Variants in CUL2 observed in about 807,000 individuals in gnomAD.
CUL2 encodes the protein cullin 2, also known as cullin-2.
Under a neutral mutation model 110.2 loss-of-function variants are expected in CUL2, and 22 were observed. The ratio of observed to expected loss-of-function variants is 0.20; its 90% CI spans 0.14 to 0.28. CUL2 has a LOEUF of 0.28. Among genes scored for constraint, CUL2 ranks in the 10% least tolerant of loss-of-function variants. The pLI is 1.00. For synonymous variants in CUL2, 279 were observed against 293.2 expected, an observed-to-expected ratio of 0.95 and a Z score of 0.49; for missense variants, 631 against 905.5, an observed-to-expected ratio of 0.70 and a Z score of 3.89.
rs1012724132 is a variant in CUL2, at chr10:35,009,716, T to C, written c.*595A>G. 1 of 152,628 alleles carries C rather than the reference T, an allele frequency of 6.6e-6. No individual in the cohort carries two copies. Among genetic ancestry groups the C allele is most frequent in the Non-Finnish European group, 1.5e-5 (1 of 68,038 alleles). 9.5% of individuals were successfully genotyped at this position (152,628 alleles called of 1,614,324 possible). ...TCCTATGCAGTCAAGAACAATAATC[T>C]AGACATTTTTCATGTAGGATTTAAA... On this transcript the variant is annotated 3_prime_UTR_variant, in exon 21 of 21. Transcript: ENST00000374749.
chr10:35,114,130 G>C (rs11010100), intron 1 of CUL2, among the ~76,000 whole-genome samples: 1 of 150,988 alleles, frequency 6.6e-6, no homozygotes, highest in African/African-American at 2.4e-5. Flanking sequence ...CACTGTGTTA[G>C]CCAGGATGGT....
In CUL2 at chr10:35,011,864, T is replaced by C. The variant is rs1366458227; in HGVS notation, c.2090A>G (p.Asn697Ser). 6.2e-7 allele frequency: 1 copy of C among 1,610,632 alleles called. No individual in the cohort carries two copies. The highest frequency in any genetic ancestry group is 1.1e-5 in the South Asian group (1 of 90,974). The change falls in exon 20 of 21, where the codon AAT becomes AGT. Residue 697 changes from asparagine (N) to serine (S), a missense_variant. Transcript: ENST00000374749. The stretch of plus-strand genomic sequence containing the variant: ...TCCTTTTACCTCTTGAATAAGGGCA[T>C]TGTGCCGAAGCACTTTTCGTGCTTT... ...IMKARKVLRH[N>S]ALIQEVISQS...
intron 6 of CUL2, among the ~76,000 whole-genome samples, chr10:35,048,132 T>G (rs546051784): frequency 6.6e-6 from 1 of 152,294 alleles, no homozygotes; most frequent in South Asian, 2.1e-4. Flanking sequence ...ATGTAAAATT[T>G]TTAGCACAAT....
intron 20 of CUL2, 32 bp from the exon 21 acceptor site, chr10:35,010,474 C>A (rs774553728): frequency 3.2e-6 from 5 of 1,575,024 alleles, no homozygotes; most frequent in East Asian, 2.3e-5. Flanking sequence ...CAAACTACTG[C>A]CAGTTCTTCA....
intron 9 of CUL2, among the ~76,000 whole-genome samples, chr10:35,036,930 C>T (rs774890083): frequency 1.3e-5 from 2 of 152,076 alleles, no homozygotes; most frequent in Admixed American, 6.6e-5. Flanking sequence ...AGATGGGATA[C>T]TGTCATGTTG....
chr10:35,092,614 G>T (rs1163171452), upstream of CUL2, among the ~76,000 whole-genome samples: 1 of 152,154 alleles, frequency 6.6e-6, no homozygotes, highest in African/African-American at 2.4e-5. Flanking sequence ...CATTTTTCAT[G>T]GTGAAACTGC....
intron 6 of CUL2, among the ~76,000 whole-genome samples, chr10:35,048,358 G>A (rs2086005838): frequency 6.6e-6 from 1 of 152,112 alleles, no homozygotes; most frequent in Non-Finnish European, 1.5e-5. Flanking sequence ...TGCTTTAGTT[G>A]TATTATTTTT....
chr10:35,080,978 C>T (rs2086933307), intron 1 of CUL2, among the ~76,000 whole-genome samples: 1 of 152,006 alleles, frequency 6.6e-6, no homozygotes, highest in African/African-American at 2.4e-5. Context: ...CTTTGGGAGG[C>T]TGAGGTGGGA....
chr10:35,112,261 G>T (rs1305904086), intron 1 of CUL2, among the ~76,000 whole-genome samples: 1 of 152,180 alleles, frequency 6.6e-6, no homozygotes, highest in African/African-American at 2.4e-5. Flanking sequence ...ACCAGAACTG[G>T]ATTTATCCTT....
intron 4 of CUL2, among the ~76,000 whole-genome samples, chr10:35,059,586 G>C (rs941494070): frequency 6.6e-6 from 1 of 152,170 alleles, no homozygotes; most frequent in Non-Finnish European, 1.5e-5. Flanking sequence ...CAAACAACTT[G>C]TGTGACTTGT....
At chr10:35,079,406 T>C (rs190800195) in intron 1 of CUL2, among the ~76,000 whole-genome samples, 5 of 152,330 alleles carry the variant, frequency 3.3e-5, no homozygotes, top group African/African-American at 4.8e-5. Context: ...AGTAAATGGT[T>C]TGGTGTCATT....
chr10:35,023,745 T>C (rs1305589178), intron 17 of CUL2, among the ~76,000 whole-genome samples: 1 of 144,216 alleles, frequency 6.9e-6, no homozygotes, highest in Non-Finnish European at 1.5e-5. Flanking sequence ...TAAGATATAT[T>C]AGTTTTCTTA....
At chr10:35,120,146 T>C (rs1446970001) in intron 1 of CUL2, 3 of 152,178 alleles carry the variant, frequency 2.0e-5, no homozygotes, top group South Asian at 2.1e-4. Flanking sequence ...AAATTTTGTA[T>C]ACTAAAAACT....
chr10:35,037,012 T>C (rs2085639443), intron 9 of CUL2, among the ~76,000 whole-genome samples: 1 of 152,148 alleles, frequency 6.6e-6, no homozygotes, highest in African/African-American at 2.4e-5. Context: ...TAATCCAAAG[T>C]TTTTCATTTT....
At position 35,123,550 on chromosome 10, in the gene CUL2, A is replaced by G. The variant is rs369055557; in HGVS notation, c.-51+3055T>C. Among the ~76,000 whole-genome samples the G allele has an allele frequency of 2.6e-5, 4 of 152,376 alleles. No homozygotes were observed. The East Asian group carries it at 5.8e-4, about 22-fold the overall frequency. On this transcript the variant is annotated intron_variant, in intron 1 of 5. Coordinates refer to the CUL2 transcript ENST00000685421. The stretch of plus-strand genomic sequence containing the variant: ...AGCAACAGGACTTAGCATTTAGCAT[A>G]GGGCCTGGAACATAGCAGGCACTTC...
chr10:35,116,852 G>A (rs189402788), intron 1 of CUL2, among the ~76,000 whole-genome samples: 43 of 152,128 alleles, frequency 2.8e-4, no homozygotes, highest in African/African-American at 1.0e-3. Flanking sequence ...AGCTACCCGG[G>A]AGGCTGAGGT....
intron 4 of CUL2, among the ~76,000 whole-genome samples, chr10:35,057,294 C>T (rs1416867870): frequency 6.6e-6 from 1 of 151,936 alleles, no homozygotes; most frequent in East Asian, 1.9e-4. Context: ...AACTAACTTA[C>T]ATTAACTATG....
chr10:35,047,502 C>T (rs2085974304), intron 6 of CUL2, among the ~76,000 whole-genome samples: 1 of 149,564 alleles, frequency 6.7e-6, no homozygotes. Context: ...CCCAGCTACT[C>T]GGGAGGCTGA....
At chr10:35,125,651 G>C (rs1342436145) in intron 1 of CUL2, among the ~76,000 whole-genome samples, 1 of 152,184 alleles carries the variant, frequency 6.6e-6, no homozygotes, top group African/African-American at 2.4e-5. Context: ...AACGTACAAT[G>C]AAACCGATTT....
Sources: gnomAD v4.1 joint callset for allele counts (sites outside exome capture counted in the v4.1 genomes callset) on GRCh38, gnomAD v4.1.1 for gene constraint, MANE v1.5 for transcripts, NCBI Gene and HGNC (gene_info 2026-07-23, HGNC 2026-07-21) for gene names.